GRIK2: variants seen among roughly 807,000 people sequenced by gnomAD.
GRIK2 encodes glutamate ionotropic receptor kainate type subunit 2.
Under a neutral mutation model 100.3 loss-of-function variants are expected in GRIK2, and 32 were observed. The ratio of observed to expected loss-of-function variants is 0.32; its 90% CI spans 0.24 to 0.43. The LOEUF (loss-of-function observed/expected upper bound fraction) is 0.43. GRIK2 is among the 20% of genes least tolerant of loss of function. The pLI, the probability that GRIK2 is intolerant of heterozygous loss-of-function variation, is 1.00. For synonymous variants in GRIK2, 417 were observed against 389.4 expected (o/e 1.07, Z -0.83); for missense variants, 843 against 1,114.9 (o/e 0.76, Z 3.47).
chr6:101,462,943 A>C (rs2128252934), intron 2 of GRIK2, among the ~76,000 whole-genome samples: 1 of 152,264 alleles, frequency 6.6e-6, no homozygotes, highest in African/African-American at 2.4e-5. Context: ...GCTGAGAAAA[A>C]TCTTTCTTAT....
chr6:101,519,456 T>A (rs563959612), intron 2 of GRIK2, among the ~76,000 whole-genome samples: 1 of 152,134 alleles, frequency 6.6e-6, no homozygotes, highest in South Asian at 2.1e-4. Context: ...TTCTTTTTTA[T>A]TGACATGAAG....
intron 7 of GRIK2, among the ~76,000 whole-genome samples, chr6:101,709,254 G>A (rs1028125203): frequency 6.6e-5 from 10 of 151,626 alleles, no homozygotes; most frequent in Admixed American, 1.3e-4. Context: ...CAGATAGACC[G>A]TGGCCCTGCA....
chr6:101,815,146 A>G (rs759182628), intron 9 of GRIK2, among the ~76,000 whole-genome samples: 7 of 152,172 alleles, frequency 4.6e-5, no homozygotes, highest in Non-Finnish European at 8.8e-5. Context: ...CAACAAGGCT[A>G]TGATGGAAAC....
intron 7 of GRIK2, among the ~76,000 whole-genome samples, chr6:101,730,057 CATAATATTAA>C (rs1416889191): frequency 6.6e-6 from 1 of 151,824 alleles, no homozygotes; most frequent in Non-Finnish European, 1.5e-5. Context: ...TAAAGGCTTT[CATAATATTAA>C]ATAAGAATGA....
chr6:101,585,469 T>A (rs191401323), intron 2 of GRIK2, among the ~76,000 whole-genome samples: 23 of 152,176 alleles, frequency 1.5e-4, no homozygotes, highest in Admixed American at 3.9e-4. Flanking sequence ...TAGTAATGAG[T>A]AATTTACATA....
intron 14 of GRIK2, among the ~76,000 whole-genome samples, chr6:101,989,552 AGT>A (rs1794240622): frequency 1.2e-4 from 1 of 8,388 alleles, no homozygotes; most frequent in African/African-American, 3.7e-4. Flanking sequence ...CAGAAAAATT[AGT>A]TAGTTAATTA....
chr6:101,426,392 C>A (rs1776699731), intron 2 of GRIK2, among the ~76,000 whole-genome samples: 1 of 152,042 alleles, frequency 6.6e-6, no homozygotes, highest in Admixed American at 6.6e-5. Flanking sequence ...TTATAGTCAC[C>A]CTGCCACGCT....
rs1771686630 is a variant in GRIK2 at position 101,686,205 on chromosome 6, C to T, written c.803C>T (p.Pro268Leu). The T allele has an allele frequency of 6.2e-7, 1 of 1,611,956 alleles. No homozygotes were observed. Among genetic ancestry groups the T allele is most frequent in the African/African-American group, 1.3e-5 (1 of 74,816 alleles). The part of the protein sequence containing the change: ...TLDLFALDVE[P>L]YRYSGVNMTG... ...GACCTCTTTGCTCTTGATGTTGAGCCCTACCGATACAGTGGTGTTAACATG... is the reference window on the plus strand; with the variant it reads ...GACCTCTTTGCTCTTGATGTTGAGCTCTACCGATACAGTGGTGTTAACATG... Residue 268 changes from proline to leucine, a missense_variant, in exon 7 of 17, where the codon CCC (proline) becomes CTC (leucine). Physicochemically the swap from Pro to Leu is moderately conservative, Grantham distance 98. Around this residue, in one of 3 missense-constraint regions of GRIK2, gnomAD observed 519 missense variants for 643.8 expected, o/e 0.81. Transcript: ENST00000369134.
intron 10 of GRIK2, among the ~76,000 whole-genome samples, chr6:101,847,435 A>G (rs988991613): frequency 2.0e-5 from 3 of 151,968 alleles, no homozygotes; most frequent in South Asian, 4.2e-4. Context: ...TGGTTATTGT[A>G]GTTCTTTGTT....
chr6:101,657,107 A>G (rs925096673), intron 4 of GRIK2, among the ~76,000 whole-genome samples: 2 of 152,234 alleles, frequency 1.3e-5, no homozygotes, highest in African/African-American at 4.8e-5. Flanking sequence ...AATAAATGTT[A>G]TCTATGATTA....
chr6:101,568,682 A>C (rs2128298244), intron 2 of GRIK2, among the ~76,000 whole-genome samples: 1 of 152,180 alleles, frequency 6.6e-6, no homozygotes, highest in Admixed American at 6.6e-5. Flanking sequence ...CAACCATAAA[A>C]TTTATTTTTA....
intron 4 of GRIK2, among the ~76,000 whole-genome samples, chr6:101,635,293 T>G (rs1039854354): frequency 1.3e-5 from 2 of 152,138 alleles, no homozygotes; most frequent in South Asian, 4.1e-4. Flanking sequence ...TGGTTATGCT[T>G]GAACTTATTT....
intron 14 of GRIK2, among the ~76,000 whole-genome samples, chr6:101,998,818 T>C (rs1005110838): frequency 6.9e-6 from 1 of 144,256 alleles, no homozygotes; most frequent in African/African-American, 2.5e-5. Flanking sequence ...TTTTCTTTTT[T>C]TTTTTTTTTT....
intron 14 of GRIK2, among the ~76,000 whole-genome samples, chr6:101,986,959 G>A (rs1794046115): frequency 6.6e-6 from 1 of 151,726 alleles, no homozygotes; most frequent in Non-Finnish European, 1.5e-5. Flanking sequence ...TGACAAAACA[G>A]TGAGACCCCA....
chr6:101,549,542 A>G (rs886993477), intron 2 of GRIK2, among the ~76,000 whole-genome samples: 1 of 152,042 alleles, frequency 6.6e-6, no homozygotes, highest in Non-Finnish European at 1.5e-5. Flanking sequence ...TCCAGTATAC[A>G]TTATAATATA....
chr6:101,455,473 G>T (rs958089562), intron 2 of GRIK2, among the ~76,000 whole-genome samples: 3 of 151,842 alleles, frequency 2.0e-5, no homozygotes, highest in Non-Finnish European at 2.9e-5. Context: ...TTGCTGAATT[G>T]TTCCTATCAC....
At chr6:101,711,267 T>A (rs1367320356) in intron 7 of GRIK2, among the ~76,000 whole-genome samples, 1 of 151,824 alleles carries the variant, frequency 6.6e-6, no homozygotes, top group Non-Finnish European at 1.5e-5. Flanking sequence ...AATGTAATGA[T>A]GAAATTCACT....
intron 2 of GRIK2, among the ~76,000 whole-genome samples, chr6:101,458,947 C>T (rs1197350868): frequency 1.3e-5 from 2 of 152,056 alleles, no homozygotes; most frequent in African/African-American, 4.8e-5. Context: ...GTGATTATGA[C>T]CGCAAATTTC....
chr6:101,403,311 T>A (rs1775425260), intron 2 of GRIK2, among the ~76,000 whole-genome samples: 1 of 152,150 alleles, frequency 6.6e-6, no homozygotes, highest in Admixed American at 6.5e-5. Context: ...GGCCATGTCT[T>A]CCCTTCTGAT....
Sources: gnomAD v4.1 joint callset for allele counts (sites outside exome capture counted in the v4.1 genomes callset) on GRCh38, gnomAD v4.1.1 for gene constraint, gnomAD v4.1.1 regional missense constraint, MANE v1.5 for transcripts, NCBI Gene and HGNC (gene_info 2026-07-23, HGNC 2026-07-21) for gene names.